Variants in RBFOX1 observed in about 807,000 individuals in gnomAD.
The protein encoded by RBFOX1 is RNA binding protein fox-1 homolog 1.
A neutral mutation model predicts 57.7 loss-of-function variants in RBFOX1; 8 were observed. The ratio of observed to expected loss-of-function variants is 0.14; its 90% CI spans 0.08 to 0.25. RBFOX1 has a LOEUF of 0.25. Among genes scored for constraint, RBFOX1 ranks in the 10% least tolerant of loss-of-function variants. The pLI is 1.00. For missense variants in RBFOX1, 611 were observed against 548.5 expected (o/e 1.11, Z -1.14); for synonymous variants, 326 against 222.4 (o/e 1.47, Z -4.15).
intron 1 of RBFOX1, among the ~76,000 whole-genome samples, chr16:6,292,316 G>A (rs2077554130): frequency 6.6e-6 from 1 of 150,914 alleles, no homozygotes; most frequent in Non-Finnish European, 1.5e-5. Flanking sequence ...ACATCCAACT[G>A]TCTGGTGGAA....
chr16:6,273,995 G>C (rs934487489), intron 1 of RBFOX1, among the ~76,000 whole-genome samples: 1 of 152,178 alleles, frequency 6.6e-6, no homozygotes, highest in Non-Finnish European at 1.5e-5. Context: ...CTGCAGTGTG[G>C]TATCAGTGCA....
At chr16:6,568,287 G>T (rs988501005) in intron 2 of RBFOX1, among the ~76,000 whole-genome samples, 1 of 152,202 alleles carries the variant, frequency 6.6e-6, no homozygotes, top group African/African-American at 2.4e-5. Flanking sequence ...GTCAGTGACA[G>T]TTGGAAGTAC....
At chr16:6,933,501 T>C (rs1220043888) in intron 3 of RBFOX1, among the ~76,000 whole-genome samples, 1 of 152,134 alleles carries the variant, frequency 6.6e-6, no homozygotes, top group Non-Finnish European at 1.5e-5. Flanking sequence ...TCACCTGAGG[T>C]CAGGAGTTCC....
intron 4 of RBFOX1, among the ~76,000 whole-genome samples, chr16:7,243,452 T>C (rs1305192943): frequency 1.3e-5 from 2 of 152,192 alleles, no homozygotes; most frequent in Admixed American, 1.3e-4. Flanking sequence ...ATTATCTTTG[T>C]TTGTAGGTGA....
chr16:6,418,294 C>G (rs1014010887), intron 2 of RBFOX1, among the ~76,000 whole-genome samples: 2 of 152,096 alleles, frequency 1.3e-5, no homozygotes, highest in Non-Finnish European at 2.9e-5. Flanking sequence ...CCTTTAACCA[C>G]TTTGTAGAAC....
intron 3 of RBFOX1, among the ~76,000 whole-genome samples, chr16:6,716,748 C>T (rs2064905877): frequency 6.6e-6 from 1 of 152,088 alleles, no homozygotes. Context: ...TCCAGTTATA[C>T]TTGTGTTGGG....
chr16:5,537,018 G>C (rs1205588519), intron 2 of RBFOX1, among the ~76,000 whole-genome samples: 1 of 152,178 alleles, frequency 6.6e-6, no homozygotes, highest in Non-Finnish European at 1.5e-5. Flanking sequence ...CTTCTCCCCA[G>C]TTTTAAGTAA....
At chr16:5,714,875 A>C (rs1238938709) in intron 3 of RBFOX1, among the ~76,000 whole-genome samples, 1 of 152,124 alleles carries the variant, frequency 6.6e-6, no homozygotes, top group Non-Finnish European at 1.5e-5. Context: ...CGTAGCTAGT[A>C]GACATCTCAG....
At chr16:7,194,934 A>AG (rs1323726750) in intron 4 of RBFOX1, among the ~76,000 whole-genome samples, 2 of 151,634 alleles carry the variant, frequency 1.3e-5, no homozygotes, top group Non-Finnish European at 2.9e-5. Flanking sequence ...TTTCACAAAA[A>AG]AAAAAAAAAA....
At chr16:5,259,849 A>G (rs2062689082) in intron 1 of RBFOX1, among the ~76,000 whole-genome samples, 1 of 152,100 alleles carries the variant, frequency 6.6e-6, no homozygotes. Context: ...CCTGTTTAAC[A>G]CCACGTGGGG....
chr16:6,745,377 T>C (rs2073338692), intron 3 of RBFOX1, among the ~76,000 whole-genome samples: 1 of 152,148 alleles, frequency 6.6e-6, no homozygotes, highest in Admixed American at 6.5e-5. Context: ...CTAGTCTTCC[T>C]CATGAATACC....
intron 3 of RBFOX1, among the ~76,000 whole-genome samples, chr16:6,664,478 G>GT (rs2098719828): frequency 6.6e-6 from 1 of 152,174 alleles, no homozygotes; most frequent in South Asian, 2.1e-4. Context: ...CCTTTGCTCA[G>GT]TAAGAACTTG....
At chr16:7,351,358 G>A (rs1015129187) in intron 4 of RBFOX1, among the ~76,000 whole-genome samples, 1 of 152,254 alleles carries the variant, frequency 6.6e-6, no homozygotes, top group African/African-American at 2.4e-5. Flanking sequence ...TAATTCTTTA[G>A]ACATGTATTA....
intron 4 of RBFOX1, among the ~76,000 whole-genome samples, chr16:5,979,304 T>C (rs2152308542): frequency 6.6e-6 from 1 of 152,320 alleles, no homozygotes; most frequent in South Asian, 2.1e-4. Flanking sequence ...GTGAAATGTA[T>C]GTTTCTGGGA....
chr16:6,615,179 G>A (rs1020529588), intron 2 of RBFOX1, among the ~76,000 whole-genome samples: 1 of 152,124 alleles, frequency 6.6e-6, no homozygotes, highest in South Asian at 2.1e-4. Flanking sequence ...TTTCCCTCTA[G>A]AAATGGCATT....
rs2063493274 is a variant in RBFOX1, at chr16:7,479,714, GA to G, written c.28-38432del. On this transcript the variant is annotated intron_variant, in intron 4 of 15. Coordinates refer to ENST00000550418, the MANE Select transcript of RBFOX1 (RefSeq NM_018723.4). ...TCTCCGAGGGGAAGTGGGGCACCTGGAGGGGGGGCAGGTGTAGGTGATTGGA... is the reference window on the plus strand; with the variant it reads ...TCTCCGAGGGGAAGTGGGGCACCTGGGGGGGGGCAGGTGTAGGTGATTGGA... 2.0e-5 allele frequency among the ~76,000 whole-genome samples: 3 copies of G among 152,178 alleles called. No individual in the cohort carries two copies. In the South Asian group the frequency reaches 6.2e-4, roughly 32 times the overall value.
chr16:6,310,954 C>T (rs1283316646), intron 1 of RBFOX1, among the ~76,000 whole-genome samples: 1 of 150,992 alleles, frequency 6.6e-6, no homozygotes, highest in Non-Finnish European at 1.5e-5. Flanking sequence ...ACAAGTAGTG[C>T]ACAGGCACAG....
At chr16:5,531,005 G>C (rs1158847004) in intron 2 of RBFOX1, among the ~76,000 whole-genome samples, 2 of 148,384 alleles carry the variant, frequency 1.3e-5, no homozygotes, top group Non-Finnish European at 3.0e-5. Flanking sequence ...GGCACCTGTA[G>C]TCCCAGCTAC....
intron 1 of RBFOX1, chr16:6,038,951 G>A (rs1310201924): frequency 2.3e-5 from 3 of 130,376 alleles, no homozygotes; most frequent in African/African-American, 8.9e-5. Context: ...GTGTGGATTA[G>A]CACTGACATA....
Sources: gnomAD v4.1 joint callset for allele counts (sites outside exome capture counted in the v4.1 genomes callset) on GRCh38, gnomAD v4.1.1 for gene constraint, MANE v1.5 for transcripts, NCBI Gene and HGNC (gene_info 2026-07-23, HGNC 2026-07-21) for gene names.